The following GML variants were observed in gnomAD, a reference collection of about 807,000 sequenced individuals.
GML encodes the protein glycosylphosphatidylinositol anchored molecule like, also known as glycosyl-phosphatidylinositol-anchored molecule-like protein.
A neutral mutation model predicts 8.2 loss-of-function variants in GML; 5 were observed. That is an observed-to-expected ratio of 0.61 (90% CI 0.32 to 1.28). The LOEUF is 1.28. Ranked by LOEUF, GML falls within the 50% of genes most tolerant of loss-of-function variation. The probability of loss-of-function intolerance (pLI) is 0.06; values close to 1 mark genes in which losing one functional copy is unlikely to be tolerated. For synonymous variants in GML, 72 were observed against 69.0 expected, an observed-to-expected ratio of 1.04 and a Z score of -0.22; for missense variants, 191 against 198.3, an observed-to-expected ratio of 0.96 and a Z score of 0.22.
chr8:142,844,439 A>G, intron 3 of GML, among the ~76,000 whole-genome samples: 1 of 152,310 alleles, frequency 6.6e-6, no homozygotes, highest in Middle Eastern at 3.4e-3. Context: ...TCACATAAGA[A>G]TGAAATTGAT....
chr8:142,840,088 G>A (rs1816405335), intron 1 of GML, among the ~76,000 whole-genome samples: 1 of 151,828 alleles, frequency 6.6e-6, no homozygotes, highest in Non-Finnish European at 1.5e-5. Context: ...CCGCTGTTGA[G>A]GTTCAGAATC....
rs555246001 is a variant in GML, at chr8:142,844,318, A to G, written c.182-2077A>G. Among the ~76,000 whole-genome samples the G allele has an allele frequency of 5.3e-5, 8 of 152,344 alleles. No homozygotes were observed. In the South Asian group the frequency reaches 1.4e-3, roughly 28 times the overall value. On this transcript the variant is annotated intron_variant, in intron 3 of 3. Coordinates refer to ENST00000220940, the MANE Select transcript of GML (RefSeq NM_002066.3). ...AAAGAAGCAGTTTCAGGTGGTTTGTAGATCTCAATGTAAATATTAAACCAA... is the reference window on the plus strand; with the variant it reads ...AAAGAAGCAGTTTCAGGTGGTTTGTGGATCTCAATGTAAATATTAAACCAA...
Position 142,846,829 on chromosome 8 carries a change from T to C in GML, c.*139T>C, listed in dbSNP as rs1212900104. 1.6e-6 allele frequency: 1 copy of C among 627,132 alleles called. No individual in the cohort carries two copies. Among genetic ancestry groups the C allele is most frequent in the Non-Finnish European group, 2.8e-6 (1 of 361,878 alleles). The allele number at this position is 627,132 out of a possible 1,614,324, so 38.8% of individuals were successfully genotyped here. A position where few individuals can be genotyped will look rare whatever the true frequency, so the allele number is the denominator to read the frequency against. Reference sequence around the variant, plus strand: ...TTTATGGTTTGTTGTAAGAGAAAAATTAAAAAAATATTGTTTAGTGGAGAT... The same window carrying C: ...TTTATGGTTTGTTGTAAGAGAAAAACTAAAAAAATATTGTTTAGTGGAGAT... On this transcript the variant is annotated 3_prime_UTR_variant, in exon 4 of 4. Transcript: ENST00000220940.
chr8:142,841,602 G>A (rs1366526717), intron 3 of GML, among the ~76,000 whole-genome samples: 1 of 152,156 alleles, frequency 6.6e-6, no homozygotes, highest in African/African-American at 2.4e-5. Context: ...CTTCCAGCTC[G>A]GCAGGTCAAA....
intron 3 of GML, among the ~76,000 whole-genome samples, chr8:142,843,910 A>G (rs919847396): frequency 3.3e-5 from 5 of 152,232 alleles, no homozygotes; most frequent in Non-Finnish European, 1.5e-5. Context: ...CTCTTCTCCA[A>G]TTAACCTACA....
chr8:142,846,014 G>C (rs1371152082), intron 3 of GML, among the ~76,000 whole-genome samples: 1 of 152,188 alleles, frequency 6.6e-6, no homozygotes, highest in African/African-American at 2.4e-5. Flanking sequence ...GTGATCTCTA[G>C]ACCATAAGTG....
chr8:142,834,907 CTG>C (rs1816309294), intron 1 of GML, 39 bp downstream of exon 1: 1 of 152,310 alleles, frequency 6.6e-6, no homozygotes, highest in African/African-American at 2.4e-5. Context: ...AGGCGTGAGA[CTG>C]GAGTCTGCCC....
intron 3 of GML, among the ~76,000 whole-genome samples, chr8:142,844,109 G>A (rs963797995): frequency 2.6e-5 from 4 of 152,168 alleles, no homozygotes; most frequent in Non-Finnish European, 4.4e-5. Context: ...GTTTGGTGTT[G>A]GATCCTGTGG....
intron 3 of GML, among the ~76,000 whole-genome samples, chr8:142,845,472 G>A (rs551374710): frequency 5.0e-4 from 76 of 152,354 alleles, no homozygotes; most frequent in African/African-American, 1.5e-3. Flanking sequence ...CAGAAAACAA[G>A]TGACTGGTTC....
At chr8:142,834,945 C>A (rs945178488) in intron 1 of GML, 77 bp downstream of exon 1, 3 of 87,344 alleles carry the variant, frequency 3.4e-5, no homozygotes, top group Non-Finnish European at 7.0e-5. Context: ...GCAGCCTCCT[C>A]GTCAGCTGCT....
chr8:142,846,840 T>C lies in GML; in HGVS notation c.*150T>C, dbSNP rs1001164944. ...TTGTAAGAGAAAAATTAAAAAAATA[T>C]TGTTTAGTGGAGATGTTCATGAGCA... On this transcript the variant is annotated 3_prime_UTR_variant, in exon 4 of 4. Coordinates refer to ENST00000220940, the MANE Select transcript of GML (RefSeq NM_002066.3). The C allele has an allele frequency of 2.1e-5, 13 of 606,416 alleles. No individual in the cohort carries two copies. Among genetic ancestry groups the C allele is most frequent in the East Asian group, 5.6e-5 (2 of 35,950 alleles). The allele number at this position is 606,416 out of a possible 1,614,324, so 37.6% of individuals were successfully genotyped here.
Position 142,841,372 on chromosome 8 carries a change from C to G in GML, c.181+147C>G, listed in dbSNP as rs3802226. The G allele has an allele frequency of 2.7e-5, 17 of 626,896 alleles. No homozygotes were observed. In the East Asian group the frequency reaches 4.8e-4, roughly 18 times the overall value. The allele number at this position is 626,896 out of a possible 1,614,324, so 38.8% of individuals were successfully genotyped here. On this transcript the variant is annotated intron_variant, in intron 3 of 3. Transcript: ENST00000220940. Reference sequence around the variant, plus strand: ...CTCCCATCCTGAGTGCGTTTCTGCACGCTTTGGTCTCAGCCTCATGATAGG... The same window carrying G: ...CTCCCATCCTGAGTGCGTTTCTGCAGGCTTTGGTCTCAGCCTCATGATAGG...
Position 142,840,534 on chromosome 8 carries a change from T to G in GML, c.73+24T>G, listed in dbSNP as rs1463525774. On this transcript the variant is annotated intron_variant, in intron 2 of 3. Transcript: ENST00000220940. Reference sequence around the variant, plus strand: ...GTGTAAGTATCATTCCCTCTCACTGTCCTGGAGAGGACGAGAATTCACCTG... The same window carrying G: ...GTGTAAGTATCATTCCCTCTCACTGGCCTGGAGAGGACGAGAATTCACCTG... The G allele has an allele frequency of 3.9e-6, 6 of 1,531,942 alleles. No individual in the cohort carries two copies. The South Asian group carries it at 6.7e-5, about 17-fold the overall frequency. The allele number at this position is 1,531,942 out of a possible 1,614,324, so 94.9% of individuals were successfully genotyped here. A position where few individuals can be genotyped will look rare whatever the true frequency, so the allele number is the denominator to read the frequency against.
chr8:142,835,371 C>T (rs1320832150), intron 1 of GML, among the ~76,000 whole-genome samples: 1 of 152,294 alleles, frequency 6.6e-6, no homozygotes, highest in Admixed American at 6.5e-5. Flanking sequence ...CGGGGTGTCC[C>T]GGGGCCGCCC....
At chr8:142,839,757 C>T (rs1816398599) in intron 1 of GML, among the ~76,000 whole-genome samples, 1 of 152,140 alleles carries the variant, frequency 6.6e-6, no homozygotes, top group Admixed American at 6.5e-5. Flanking sequence ...GATTGGTGAC[C>T]TGGGGGGCGT....
intron 1 of GML, among the ~76,000 whole-genome samples, chr8:142,835,753 C>G (rs1411643456): frequency 6.6e-6 from 1 of 152,168 alleles, no homozygotes; most frequent in Admixed American, 6.5e-5. Context: ...AAAATGGACT[C>G]TCAGTGTCCG....
chr8:142,842,084 CAT>C (rs1382071338), intron 3 of GML, among the ~76,000 whole-genome samples: 2 of 152,148 alleles, frequency 1.3e-5, no homozygotes, highest in Admixed American at 1.3e-4. Flanking sequence ...GTAATTGAAT[CAT>C]GTGGGTGGTT....
rs2027893 is a variant in GML at position 142,841,239 on chromosome 8, T to C, written c.181+14T>C. The stretch of plus-strand genomic sequence containing the variant: ...CAATCTCCATTCGTAAGTACCTCTT[T>C]GTCATTTTGACACATTGTAGATTAG... On this transcript the variant is annotated intron_variant, in intron 3 of 3. Coordinates refer to ENST00000220940, the MANE Select transcript of GML (RefSeq NM_002066.3). 8.0e-7 allele frequency: 1 copy of C among 1,250,776 alleles called. No individual in the cohort carries two copies. Among genetic ancestry groups the C allele is most frequent in the Admixed American group, 1.7e-5 (1 of 59,584 alleles). 77.5% of individuals were successfully genotyped at this position (1,250,776 alleles called of 1,614,324 possible). A position where few individuals can be genotyped will look rare whatever the true frequency, so the allele number is the denominator to read the frequency against.
intron 3 of GML, among the ~76,000 whole-genome samples, chr8:142,844,270 A>T (rs934709867): frequency 7.2e-5 from 11 of 152,374 alleles, no homozygotes; most frequent in African/African-American, 2.6e-4. Flanking sequence ...TTAGATATTT[A>T]TACACAATAT....
Sources: gnomAD v4.1 joint callset for allele counts (sites outside exome capture counted in the v4.1 genomes callset) on GRCh38, gnomAD v4.1.1 for gene constraint, MANE v1.5 for transcripts, NCBI Gene and HGNC (gene_info 2026-07-23, HGNC 2026-07-21) for gene names.